PAPOLA: variants seen among roughly 807,000 people sequenced by gnomAD.
The protein encoded by PAPOLA is poly(A) polymerase alpha.
Under a neutral mutation model 100.6 loss-of-function variants are expected in PAPOLA, and 15 were observed. The observed-to-expected ratio is 0.15, with a 90% CI of 0.10 to 0.23. The LOEUF (loss-of-function observed/expected upper bound fraction) is 0.23. Among genes scored for constraint, PAPOLA ranks in the 10% least tolerant of loss-of-function variants. The probability of loss-of-function intolerance (pLI) is 1.00; values close to 1 mark genes in which losing one functional copy is unlikely to be tolerated. For missense variants in PAPOLA, 533 were observed against 884.2 expected (o/e 0.60, Z 5.04); for synonymous variants, 293 against 300.0 (o/e 0.98, Z 0.24).
chr14:96,538,904 T>G (rs568969786), intron 12 of PAPOLA, among the ~76,000 whole-genome samples: 2 of 152,072 alleles, frequency 1.3e-5, no homozygotes, highest in Non-Finnish European at 1.5e-5. Flanking sequence ...TCAGTTGATA[T>G]GTGTAGGATT....
intron 7 of PAPOLA, 177 bp from the exon 8 acceptor site, chr14:96,532,154 T>C: frequency 7.2e-7 from 1 of 1,381,286 alleles, no homozygotes; most frequent in Non-Finnish European, 9.3e-7. Flanking sequence ...CCCCTCTTTA[T>C]TGAATTAGCT....
chr14:96,548,765 A>C (rs1281364559), intron 16 of PAPOLA, among the ~76,000 whole-genome samples: 1 of 152,252 alleles, frequency 6.6e-6, no homozygotes, highest in South Asian at 2.1e-4. Context: ...AATGACAACT[A>C]CTGCATTCAG....
At chr14:96,509,482 T>C (rs551456224) in intron 1 of PAPOLA, among the ~76,000 whole-genome samples, 1 of 152,378 alleles carries the variant, frequency 6.6e-6, no homozygotes, top group Non-Finnish European at 1.5e-5. Context: ...ACTTGTAGTA[T>C]ACACAGAATG....
intron 3 of PAPOLA, among the ~76,000 whole-genome samples, chr14:96,524,823 A>G (rs768707246): frequency 2.6e-5 from 4 of 152,282 alleles, no homozygotes; most frequent in Admixed American, 2.0e-4. Flanking sequence ...TGTGGCTACT[A>G]TTGGCTTTCA....
At chr14:96,555,811 A>T (rs775809884) in intron 17 of PAPOLA, 36 bp from the exon 18 acceptor site, 1 of 1,114,048 alleles carries the variant, frequency 9.0e-7, no homozygotes, top group Non-Finnish European at 1.3e-6. Context: ...TTCTATTTTT[A>T]AATTTTGAGA....
intron 1 of PAPOLA, among the ~76,000 whole-genome samples, chr14:96,509,965 C>CTTTTTTTT (rs11372552): frequency 4.7e-5 from 4 of 84,420 alleles, no homozygotes; most frequent in Admixed American, 1.3e-4. Flanking sequence ...GTGGGAGTTG[C>CTTTTTTTT]TTTTTTTTTT....
intron 4 of PAPOLA, chr14:96,526,783 TTCTAATAAA>T (rs1226692412): frequency 6.6e-6 from 1 of 152,524 alleles, no homozygotes; most frequent in Non-Finnish European, 1.5e-5. Context: ...GTTCTTCCTG[TTCTAATAAA>T]TAGCTTTCAG....
intron 13 of PAPOLA, 105 bp from the exon 14 acceptor site, chr14:96,542,669 A>C (rs1449092462): frequency 9.3e-7 from 1 of 1,079,808 alleles, no homozygotes; most frequent in Non-Finnish European, 1.3e-6. Flanking sequence ...TTCTGGTTTT[A>C]TCTGTGGGAG....
intron 1 of PAPOLA, among the ~76,000 whole-genome samples, chr14:96,512,692 C>G (rs1380214338): frequency 6.6e-6 from 1 of 152,102 alleles, no homozygotes; most frequent in African/African-American, 2.4e-5. Flanking sequence ...TATCTCATTG[C>G]TTTATTTTGG....
rs780994931 is a variant in PAPOLA, at chr14:96,544,203, C to T, written c.1344C>T (p.Asn448=). The T allele has an allele frequency of 2.5e-6, 4 of 1,609,132 alleles. No individual in the cohort carries two copies. Among genetic ancestry groups the T allele is most frequent in the Non-Finnish European group, 3.4e-6 (4 of 1,175,744 alleles). The change falls in exon 15 of 22, where the codon AAC becomes AAT. Residue 448 remains asparagine (N), a synonymous_variant. Coordinates refer to ENST00000216277, the MANE Select transcript of PAPOLA (RefSeq NM_032632.5). ...GGTTAGTGTTTAAAAAAACAGAAAA[C>T]TCTGAAAACCTCAGTGTTGATCTCA... The part of the protein sequence containing the change: ...VIGLVFKKTE[N]SENLSVDLTY...
chr14:96,502,694 G>T, intron 1 of PAPOLA, 94 bp downstream of exon 1: 3 of 1,396,626 alleles, frequency 2.1e-6, no homozygotes, highest in Non-Finnish European at 1.9e-6. Flanking sequence ...GGTGGCACGC[G>T]AGCCCGACCC....
intron 20 of PAPOLA, chr14:96,562,483 T>G (rs997998784): frequency 6.1e-6 from 1 of 163,240 alleles, no homozygotes; most frequent in African/African-American, 2.4e-5. Context: ...GTTTATGCTC[T>G]GTTATTGTCT....
chr14:96,505,807 G>A (rs1896670501), intron 1 of PAPOLA, among the ~76,000 whole-genome samples: 1 of 152,180 alleles, frequency 6.6e-6, no homozygotes, highest in South Asian at 2.1e-4. Context: ...AAAAGCAGTG[G>A]TGGAAAATGC....
At chr14:96,520,376 G>A in intron 2 of PAPOLA, 148 bp downstream of exon 2, 1 of 636,014 alleles carries the variant, frequency 1.6e-6, no homozygotes, top group Non-Finnish European at 2.6e-6. Flanking sequence ...ATACTTAAGA[G>A]AGAAAACTTT....
chr14:96,542,333 T>G, intron 13 of PAPOLA, 37 bp downstream of exon 13: 2 of 1,324,098 alleles, frequency 1.5e-6, no homozygotes, highest in South Asian at 2.4e-5. Flanking sequence ...AAAAGCAAAC[T>G]TCAAAATGAA....
intron 9 of PAPOLA, 32 bp downstream of exon 9, chr14:96,532,681 G>T (rs765815172): frequency 3.2e-6 from 5 of 1,542,358 alleles, no homozygotes; most frequent in African/African-American, 2.8e-5. Context: ...AAATAAAATT[G>T]ATTGTAGACA....
At chr14:96,554,251 C>A (rs528550732) in intron 17 of PAPOLA, among the ~76,000 whole-genome samples, 1 of 152,344 alleles carries the variant, frequency 6.6e-6, no homozygotes, top group East Asian at 1.9e-4. Context: ...TTATTATGTA[C>A]TAGGCACCTT....
At chr14:96,553,808 C>T (rs911463124) in intron 17 of PAPOLA, among the ~76,000 whole-genome samples, 10 of 152,250 alleles carry the variant, frequency 6.6e-5, no homozygotes, top group South Asian at 2.1e-4. Flanking sequence ...CCACCACGCC[C>T]GGCCTGTATT....
chr14:96,527,649 C>T (rs1898607566), intron 5 of PAPOLA, 110 bp downstream of exon 5: 1 of 664,132 alleles, frequency 1.5e-6, no homozygotes, highest in Admixed American at 2.5e-5. Context: ...ATTTGCCAAA[C>T]CTTTCTAAAC....
Sources: allele counts gnomAD v4.1 joint callset (sites outside exome capture counted in the v4.1 genomes callset), GRCh38; gene constraint gnomAD v4.1.1; transcripts MANE v1.5; gene names NCBI Gene and HGNC (gene_info 2026-07-23, HGNC 2026-07-21).